PLRG1: variants seen among roughly 807,000 people sequenced by gnomAD.
PLRG1 encodes the protein pleiotropic regulator 1, also known as pleiotropic regulator 1 (PRL1 homolog, Arabidopsis).
PLRG1 carries 28 observed loss-of-function variants against 74.9 expected under a neutral mutation model. The ratio of observed to expected loss-of-function variants is 0.37; its 90% CI spans 0.28 to 0.51. The LOEUF is 0.51. Ranked by LOEUF, PLRG1 falls within the 20% of genes least tolerant of loss-of-function variation. PLRG1 has a pLI of 0.91. For synonymous variants in PLRG1, 197 were observed against 212.4 expected (o/e 0.93, Z 0.63); for missense variants, 445 against 631.9 (o/e 0.70, Z 3.17).
intron 5 of PLRG1, 98 bp from the exon 6 acceptor site, chr4:154,546,021 T>C (rs1729645917): frequency 1.8e-6 from 2 of 1,093,436 alleles, no homozygotes; most frequent in East Asian, 2.6e-5. Flanking sequence ...AAAGTCCTGA[T>C]AAAGGAAAAT....
At chr4:154,543,701 T>G (rs1302091119) in intron 7 of PLRG1, among the ~76,000 whole-genome samples, 1 of 152,228 alleles carries the variant, frequency 6.6e-6, no homozygotes, top group Non-Finnish European at 1.5e-5. Context: ...CCCAAATCAA[T>G]ACATCTATTA....
intron 8 of PLRG1, 44 bp from the exon 9 acceptor site, chr4:154,540,978 C>A (rs755820670): frequency 2.1e-6 from 3 of 1,442,222 alleles, no homozygotes; most frequent in South Asian, 1.4e-5. Flanking sequence ...CTGGTTACTG[C>A]AAAACAAAAT....
chr4:154,544,252 A>G (rs1182383840), intron 7 of PLRG1, among the ~76,000 whole-genome samples, 193 bp downstream of exon 7: 1 of 152,236 alleles, frequency 6.6e-6, no homozygotes, highest in African/African-American at 2.4e-5. Context: ...ATATAAAAGT[A>G]TAACTTTTGC....
At chr4:154,542,139 A>T in intron 8 of PLRG1, 48 bp downstream of exon 8, 1 of 1,154,280 alleles carries the variant, frequency 8.7e-7, no homozygotes. Flanking sequence ...GATTAAACTT[A>T]CATGACAAAC....
intron 6 of PLRG1, among the ~76,000 whole-genome samples, chr4:154,545,161 G>A (rs1477719175): frequency 6.6e-6 from 1 of 152,096 alleles, no homozygotes; most frequent in African/African-American, 2.4e-5. Context: ...CCCTCATAAG[G>A]AGGGTAGAGA....
chr4:154,546,043 G>T (rs1729646507), intron 5 of PLRG1, 80 bp downstream of exon 5: 6 of 1,096,838 alleles, frequency 5.5e-6, no homozygotes, highest in South Asian at 2.8e-5. Flanking sequence ...TCATATAATA[G>T]TTATAAAGAA....
intron 8 of PLRG1, 98 bp from the exon 9 acceptor site, chr4:154,541,032 G>A: frequency 4.4e-6 from 4 of 902,732 alleles, no homozygotes; most frequent in African/African-American, 1.7e-5. Flanking sequence ...AAGACAAAAG[G>A]AAAAAGATAA....
In PLRG1 at chr4:154,548,943, A is replaced by G. The variant is rs766018624; in HGVS notation, c.10-8T>C. 5 of 1,469,350 alleles carry G rather than the reference A, an allele frequency of 3.4e-6. No individual in the cohort carries two copies. Among genetic ancestry groups the G allele is most frequent in the Non-Finnish European group, 4.8e-6 (5 of 1,048,428 alleles). The allele number at this position is 1,469,350 out of a possible 1,614,324, so 91.0% of individuals were successfully genotyped here. A position where few individuals can be genotyped will look rare whatever the true frequency, so the allele number is the denominator to read the frequency against. On this transcript the variant is annotated splice_polypyrimidine_tract_variant and splice_region_variant and intron_variant, in intron 1 of 14. Transcript: ENST00000499023. ...AGAATGTTTCTGTACCTCCTAAAAA[A>G]AAAGAATGTAATTACACACCTATCT... is the stretch of plus-strand genomic sequence containing the variant.
In PLRG1 at chr4:154,537,962, A is replaced by G. The variant is rs769210839; in HGVS notation, c.1291+7T>C. The G allele has an allele frequency of 3.5e-6, 5 of 1,418,036 alleles. No individual in the cohort carries two copies. Among genetic ancestry groups the G allele is most frequent in the Non-Finnish European group, 4.8e-6 (5 of 1,046,122 alleles). 87.8% of individuals were successfully genotyped at this position (1,418,036 alleles called of 1,614,324 possible). A position where few individuals can be genotyped will look rare whatever the true frequency, so the allele number is the denominator to read the frequency against. On this transcript the variant is annotated splice_region_variant and intron_variant, in intron 13 of 14. Coordinates refer to ENST00000499023, the MANE Select transcript of PLRG1 (RefSeq NM_002669.4). ...TAAACATATTTATTATAAAAATCTT[A>G]TTTTACCTCCAGATACAAGCACTCC...
intron 7 of PLRG1, among the ~76,000 whole-genome samples, chr4:154,542,543 A>G (rs548890915): frequency 6.6e-6 from 1 of 152,354 alleles, no homozygotes; most frequent in East Asian, 1.9e-4. Flanking sequence ...CAAAGTATTA[A>G]GCTGTGTGAA....
intron 7 of PLRG1, 21 bp from the exon 8 acceptor site, chr4:154,542,300 TG>T: frequency 1.4e-6 from 2 of 1,475,816 alleles, no homozygotes; most frequent in Non-Finnish European, 1.9e-6. Context: ...CAAAGTAGAA[TG>T]GGCAGGCCAA....
intron 8 of PLRG1, 28 bp downstream of exon 8, chr4:154,542,159 T>G: frequency 7.7e-7 from 1 of 1,299,372 alleles, no homozygotes. Context: ...CACAAAGTCA[T>G]GTTTATTTTT....
chr4:154,539,154 A>C lies in PLRG1; in HGVS notation c.1102T>G (p.Leu368Val). The change falls in exon 12 of 15, where the codon TTA (leucine) becomes GTA (valine). Residue 368 changes from leucine to valine, a missense_variant. By Grantham distance (32) the Leu-to-Val change is conservative. Coordinates refer to ENST00000499023, the MANE Select transcript of PLRG1 (RefSeq NM_002669.4). ...DLVAGKTRVT[L>V]TNHKKSVRAV... ...CTAACTGATTTTTTGTGATTTGTTAATGTCACTCTTGTTTTTCCAGCCACC... is the reference window on the plus strand; with the variant it reads ...CTAACTGATTTTTTGTGATTTGTTACTGTCACTCTTGTTTTTCCAGCCACC... 6.2e-7 allele frequency: 1 copy of C among 1,612,566 alleles called. No individual in the cohort carries two copies. The highest frequency in any genetic ancestry group is 8.5e-7 in the Non-Finnish European group (1 of 1,178,700).
At chr4:154,537,587 A>C (rs1729474341) in intron 13 of PLRG1, 108 bp from the exon 14 acceptor site, 2 of 716,464 alleles carry the variant, frequency 2.8e-6, no homozygotes, top group Admixed American at 5.6e-5. Context: ...GGTTATAAAA[A>C]TACATAAGAC....
At chr4:154,540,131 G>A in intron 10 of PLRG1, 78 bp from the exon 11 acceptor site, 1 of 813,040 alleles carries the variant, frequency 1.2e-6, no homozygotes. Flanking sequence ...TCAATTCAAG[G>A]CTGAAAATTT....
At chr4:154,545,625 A>G (rs62330415) in intron 6 of PLRG1, among the ~76,000 whole-genome samples, 46,477 of 152,124 alleles carry the variant, frequency 0.31, 7,308 homozygotes, top group Middle Eastern at 0.38. Context: ...TATCTTTATC[A>G]AAATATATAT....
At position 154,540,610 on chromosome 4, in the gene PLRG1, C is replaced by T; in HGVS notation, c.923G>A (p.Arg308Gln). ...CCCATTTACCCGTGCAGTTGAATCTCGACTACAGGTTACCAACACATCGAT... is the reference window on the plus strand; with the variant it reads ...CCCATTTACCCGTGCAGTTGAATCTTGACTACAGGTTACCAACACATCGAT... ...PTIDVLVTCS[R>Q]DSTARIWDVR... The change falls in exon 10 of 15, where the codon CGA becomes CAA. Residue 308 changes from arginine (R) to glutamine (Q), a missense_variant. Physicochemically the swap from Arg to Gln is conservative, Grantham distance 43. Coordinates refer to ENST00000499023, the MANE Select transcript of PLRG1 (RefSeq NM_002669.4). The T allele has an allele frequency of 1.9e-6, 3 of 1,610,610 alleles. No homozygotes were observed. Among genetic ancestry groups the T allele is most frequent in the Non-Finnish European group, 2.5e-6 (3 of 1,176,882 alleles).
intron 7 of PLRG1, among the ~76,000 whole-genome samples, chr4:154,543,290 G>A (rs11946200): frequency 0.013 from 1,982 of 152,198 alleles, 40 homozygotes; most frequent in African/African-American, 0.045. Flanking sequence ...TGGGACTACA[G>A]GTGTGCTCCA....
chr4:154,537,962 A>C lies in PLRG1; in HGVS notation c.1291+7T>G. ...TAAACATATTTATTATAAAAATCTT[A>C]TTTTACCTCCAGATACAAGCACTCC... On this transcript the variant is annotated splice_region_variant and intron_variant, in intron 13 of 14. Coordinates refer to ENST00000499023, the MANE Select transcript of PLRG1 (RefSeq NM_002669.4). 2 of 1,418,036 alleles carry C rather than the reference A, an allele frequency of 1.4e-6. No homozygotes were observed. Among genetic ancestry groups the C allele is most frequent in the Middle Eastern group, 2.4e-4 (1 of 4,118 alleles). The allele number at this position is 1,418,036 out of a possible 1,614,324, so 87.8% of individuals were successfully genotyped here. A position where few individuals can be genotyped will look rare whatever the true frequency, so the allele number is the denominator to read the frequency against.
Sources: gnomAD v4.1 joint callset for allele counts (sites outside exome capture counted in the v4.1 genomes callset) on GRCh38, gnomAD v4.1.1 for gene constraint, MANE v1.5 for transcripts, NCBI Gene and HGNC (gene_info 2026-07-23, HGNC 2026-07-21) for gene names.